TNS1: variants seen among roughly 807,000 people sequenced by gnomAD.
TNS1 encodes the protein tensin 1.
Under a neutral mutation model 168.6 loss-of-function variants are expected in TNS1, and 62 were observed. The observed-to-expected ratio is 0.37, with a 90% confidence interval of 0.30 to 0.45. The LOEUF (loss-of-function observed/expected upper bound fraction) is 0.45, where lower values mean the gene tolerates loss of function less well. TNS1 is among the 20% of genes least tolerant of loss of function. The probability of loss-of-function intolerance (pLI) is 1.00; values close to 1 mark genes in which losing one functional copy is unlikely to be tolerated. For missense variants in TNS1, 2,240 were observed against 2,339.4 expected (o/e 0.96, Z 0.88); for synonymous variants, 934 against 933.2 (o/e 1.00, Z -0.02).
intron 4 of TNS1, among the ~76,000 whole-genome samples, chr2:217,917,403 A>G (rs747013721): frequency 5.3e-5 from 8 of 152,236 alleles, no homozygotes; most frequent in Non-Finnish European, 1.2e-4. Context: ...ACATGCTGGC[A>G]TGGGCAAAAC....
intron 18 of TNS1, among the ~76,000 whole-genome samples, chr2:217,850,947 C>G (rs1947405329): frequency 6.6e-6 from 1 of 152,104 alleles, no homozygotes; most frequent in South Asian, 2.1e-4. Flanking sequence ...CTCTAGCCAT[C>G]GCCTCCGAGC....
intron 18 of TNS1, among the ~76,000 whole-genome samples, chr2:217,867,485 T>C (rs1863133): frequency 0.67 from 102,407 of 152,198 alleles, 36,352 homozygotes; most frequent in African/African-American, 0.9. Context: ...TAAAACATAG[T>C]GCACACATAC....
intron 6 of TNS1, among the ~76,000 whole-genome samples, chr2:217,901,054 A>G (rs1416557986): frequency 6.6e-6 from 1 of 152,092 alleles, no homozygotes; most frequent in Non-Finnish European, 1.5e-5. Flanking sequence ...TAAGACAGTG[A>G]GCCATGCTCC....
In TNS1 at chr2:218,032,315, G is replaced by A. The variant is rs1391958163; in HGVS notation, c.156+1505C>T. On this transcript the variant is annotated intron_variant, in intron 1 of 1. Coordinates refer to the TNS1 transcript ENST00000649572. The surrounding 1 kb of genome is among the most constrained non-coding windows in gnomAD (Gnocchi z 4.0). ...TGGGCAATGGGGCCTGGGGGACAAGGCAGTCCAGGAGAAGGAGGAGGACAG... is the reference window on the plus strand; with the variant it reads ...TGGGCAATGGGGCCTGGGGGACAAGACAGTCCAGGAGAAGGAGGAGGACAG... 6.6e-6 allele frequency among the ~76,000 whole-genome samples: 1 copy of A among 152,182 alleles called. No individual in the cohort carries two copies. The highest frequency in any genetic ancestry group is 6.5e-5 in the Admixed American group (1 of 15,284).
chr2:217,844,227 C>T (rs1443363446), intron 19 of TNS1, among the ~76,000 whole-genome samples: 2 of 152,140 alleles, frequency 1.3e-5, no homozygotes, highest in Non-Finnish European at 2.9e-5. Context: ...CCTAATCCAG[C>T]CCCGCACCAC....
At chr2:217,917,771 C>A (rs1955198755) in intron 4 of TNS1, among the ~76,000 whole-genome samples, 1 of 142,098 alleles carries the variant, frequency 7.0e-6, no homozygotes, top group African/African-American at 2.6e-5. Context: ...GTGGAGGTTG[C>A]AGTGAGCCAA....
intron 1 of TNS1, among the ~76,000 whole-genome samples, chr2:217,994,652 T>C (rs889377715): frequency 2.0e-5 from 3 of 152,200 alleles, no homozygotes; most frequent in African/African-American, 7.2e-5. Flanking sequence ...ATGGGTGGCA[T>C]GTGCAGCCTT....
Position 217,848,374 on chromosome 2 carries a change from C to T in TNS1, c.2143G>A (p.Gly715Ser). ...GGGTGGGGCCCCTCCCTCTGGTAGC[C>T]AGCTAAACCCTCCTGTGCAGAGTAG... ...PSYSAQEGLA[G>S]YQREGPHPAW... Residue 715 changes from glycine (G) to serine (S), a missense_variant, in exon 19 of 33, where the codon GGC becomes AGC. Physicochemically the swap from Gly to Ser is moderately conservative, Grantham distance 56. Coordinates refer to ENST00000682258, the MANE Select transcript of TNS1 (RefSeq NM_001387777.1). 1.9e-6 allele frequency: 3 copies of T among 1,544,978 alleles called. No individual in the cohort carries two copies. Among genetic ancestry groups the T allele is most frequent in the Non-Finnish European group, 2.6e-6 (3 of 1,144,206 alleles).
At chr2:217,815,149 G>C in intron 24 of TNS1, 151 bp from the exon 25 acceptor site, 1 of 644,360 alleles carries the variant, frequency 1.6e-6, no homozygotes. Flanking sequence ...AGGTCACACA[G>C]GATTAGGGTG....
intron 1 of TNS1, among the ~76,000 whole-genome samples, chr2:218,022,426 C>T (rs1379443057): frequency 1.3e-5 from 2 of 152,180 alleles, no homozygotes; most frequent in African/African-American, 4.8e-5. Context: ...CTTTCAAGAC[C>T]CCTCTCTGCC....
upstream of TNS1, among the ~76,000 whole-genome samples, chr2:218,015,199 G>A (rs1958746942): frequency 1.3e-5 from 2 of 152,000 alleles, no homozygotes; most frequent in African/African-American, 4.8e-5. Flanking sequence ...ATTTACATGA[G>A]GACACTGAGG....
intron 2 of TNS1, among the ~76,000 whole-genome samples, chr2:217,981,986 G>A (rs192685919): frequency 1.3e-5 from 2 of 152,252 alleles, no homozygotes; most frequent in Admixed American, 6.5e-5. Context: ...CACTAAATAG[G>A]GCTGATTTAT....
intron 12 of TNS1, among the ~76,000 whole-genome samples, chr2:217,887,879 A>G (rs1951360504): frequency 6.6e-6 from 1 of 152,176 alleles, no homozygotes; most frequent in African/African-American, 2.4e-5. Flanking sequence ...CCCTTTTCTG[A>G]TTGGCCATGG....
chr2:217,820,290 T>A (rs1013710723), intron 23 of TNS1, among the ~76,000 whole-genome samples: 3 of 152,164 alleles, frequency 2.0e-5, no homozygotes, highest in African/African-American at 7.2e-5. Flanking sequence ...TCACTGAACA[T>A]CAACAATGGG....
intron 2 of TNS1, among the ~76,000 whole-genome samples, chr2:217,989,640 G>T (rs1233333303): frequency 6.6e-6 from 1 of 152,088 alleles, no homozygotes; most frequent in Non-Finnish European, 1.5e-5. Flanking sequence ...GCCATTCCAG[G>T]AGCTCATGAA....
chr2:217,827,266 A>G (rs537401209), intron 22 of TNS1, among the ~76,000 whole-genome samples: 43 of 152,350 alleles, frequency 2.8e-4, no homozygotes, highest in African/African-American at 9.6e-4. Context: ...TGTTTCGCAC[A>G]GCGCCTGGGA....
At chr2:217,842,157 C>T (rs1175849525) in intron 19 of TNS1, 1 of 702,506 alleles carries the variant, frequency 1.4e-6, no homozygotes, top group Admixed American at 2.0e-5. Flanking sequence ...TCCTTGGGAC[C>T]TCTCCTTACC....
intron 23 of TNS1, among the ~76,000 whole-genome samples, 173 bp downstream of exon 23, chr2:217,821,567 G>A (rs1041191231): frequency 6.6e-5 from 10 of 152,300 alleles, no homozygotes; most frequent in East Asian, 1.9e-4. Context: ...GATTCAGCGC[G>A]CAGGACATGT....
Position 218,020,903 on chromosome 2 carries a change from G to A in TNS1, c.156+12917C>T, listed in dbSNP as rs752554616. On this transcript the variant is annotated intron_variant, in intron 1 of 1. Transcript: ENST00000649572. ...GGAGGAGAGCAAAGGCAATTCGGAC[G>A]AAGCAAGTGCAATGCAGGAAGAAGC... Among the ~76,000 whole-genome samples the A allele has an allele frequency of 2.0e-5, 3 of 152,224 alleles. 1 individual carries two copies. The highest frequency in any genetic ancestry group is 4.1e-4 in the South Asian group (2 of 4,830).
Sources: gnomAD v4.1 joint callset for allele counts (sites outside exome capture counted in the v4.1 genomes callset) on GRCh38, gnomAD v4.1.1 for gene constraint, Gnocchi (gnomAD v3.1) non-coding constraint, MANE v1.5 for transcripts, NCBI Gene and HGNC (gene_info 2026-07-23, HGNC 2026-07-21) for gene names.